The following NPAS3 variants were observed in gnomAD, a reference collection of about 807,000 sequenced individuals.
NPAS3 encodes neuronal PAS domain protein 3.
Under a neutral mutation model 73.1 loss-of-function variants are expected in NPAS3, and 14 were observed. That is an observed-to-expected ratio of 0.19 (90% CI 0.13 to 0.30). The LOEUF is 0.30. Among genes scored for constraint, NPAS3 ranks in the 10% least tolerant of loss-of-function variants. NPAS3 has a pLI of 1.00. For synonymous variants in NPAS3, 620 were observed against 541.5 expected, an observed-to-expected ratio of 1.14 and a Z score of -2.01; for missense variants, 1,096 against 1,250.0, an observed-to-expected ratio of 0.88 and a Z score of 1.86.
At chr14:33,492,557 A>G (rs1316917412) in intron 4 of NPAS3, among the ~76,000 whole-genome samples, 1 of 152,196 alleles carries the variant, frequency 6.6e-6, no homozygotes, top group East Asian at 1.9e-4. Context: ...AGAAGATTTC[A>G]TCAAAGGACT....
chr14:33,232,427 T>C (rs560037347), intron 3 of NPAS3, among the ~76,000 whole-genome samples: 1 of 152,212 alleles, frequency 6.6e-6, no homozygotes, highest in Non-Finnish European at 1.5e-5. Context: ...ACACTCAATC[T>C]GTTTTTCATA....
intron 2 of NPAS3, among the ~76,000 whole-genome samples, chr14:33,057,140 A>G (rs530817008): frequency 2.2e-4 from 33 of 152,248 alleles, no homozygotes; most frequent in African/African-American, 7.0e-4. Flanking sequence ...TACTGGATGG[A>G]GCTGGGACTG....
rs67518761 is a variant in NPAS3, at chr14:33,308,510, T to TTATATATATATATATATATA, written c.386-58658_386-58657insTATATATATATATATATATA. On this transcript the variant is annotated intron_variant, in intron 3 of 11. Coordinates refer to ENST00000356141, the Ensembl canonical transcript of NPAS3. ...TTTTCTAAAGGGACTATTGCATAGTTTATATATATATATATATACATACAC... is the reference window on the plus strand; with the variant it reads ...TTTTCTAAAGGGACTATTGCATAGTTTATATATATATATATATATATATATATATATATATATACATACAC... Among the ~76,000 whole-genome samples the TTATATATATATATATATATA allele has an allele frequency of 8.1e-4, 68 of 83,456 alleles. 1 individual carries two copies. Among genetic ancestry groups the TTATATATATATATATATATA allele is most frequent in the African/African-American group, 3.8e-3 (62 of 16,298 alleles). The allele number at this position is 83,456 out of a possible 152,430, so 54.8% of individuals were successfully genotyped here. A position where few individuals can be genotyped will look rare whatever the true frequency, so the allele number is the denominator to read the frequency against.
intron 4 of NPAS3, among the ~76,000 whole-genome samples, chr14:33,381,490 T>C (rs181264566): frequency 2.8e-4 from 43 of 152,310 alleles, no homozygotes; most frequent in Middle Eastern, 6.8e-3. Flanking sequence ...TGGTAACTAA[T>C]TGCTATCATT....
At chr14:33,188,775 G>A (rs2139490618) in intron 2 of NPAS3, among the ~76,000 whole-genome samples, 1 of 152,274 alleles carries the variant, frequency 6.6e-6, no homozygotes, top group East Asian at 1.9e-4. Context: ...TTCAGGAAGC[G>A]ATAAGATGAA....
chr14:32,935,862 G>A (rs1405777653), upstream of NPAS3, among the ~76,000 whole-genome samples: 1 of 152,154 alleles, frequency 6.6e-6, no homozygotes, highest in East Asian at 1.9e-4. Context: ...CCACGAAAAT[G>A]CGCTGAGAAA....
At chr14:33,411,078 T>C (rs909587218) in intron 4 of NPAS3, among the ~76,000 whole-genome samples, 3 of 152,218 alleles carry the variant, frequency 2.0e-5, no homozygotes, top group Non-Finnish European at 2.9e-5. Flanking sequence ...AACTGTAGCA[T>C]GCATCTTGGC....
Position 33,524,556 on chromosome 14 carries a change from G to T in NPAS3, c.469-35565G>T, listed in dbSNP as rs140605991. On this transcript the variant is annotated intron_variant, in intron 4 of 11. Transcript: ENST00000356141. ...AGTCTACATGATCTTAAAGCTTATG[G>T]TTGTATCTTTGCTAGATGATAACCT... is the stretch of plus-strand genomic sequence containing the variant. Among the ~76,000 whole-genome samples the T allele has an allele frequency of 8.1e-3, 1,228 of 152,280 alleles. 11 individuals carry two copies. Among genetic ancestry groups the T allele is most frequent in the African/African-American group, 0.028 (1,167 of 41,570 alleles).
chr14:33,606,987 AG>A (rs1352186012), intron 5 of NPAS3, among the ~76,000 whole-genome samples: 9 of 152,248 alleles, frequency 5.9e-5, no homozygotes, highest in Admixed American at 5.9e-4. Flanking sequence ...CAACATCATT[AG>A]TCATTAGGGA....
intron 4 of NPAS3, among the ~76,000 whole-genome samples, chr14:33,520,432 G>T (rs967886706): frequency 6.6e-6 from 1 of 151,966 alleles, no homozygotes; most frequent in Non-Finnish European, 1.5e-5. Context: ...TTAAATCTGA[G>T]ATGAAATAAG....
chr14:33,607,887 A>G (rs1829559217), intron 5 of NPAS3, among the ~76,000 whole-genome samples: 1 of 152,120 alleles, frequency 6.6e-6, no homozygotes, highest in Non-Finnish European at 1.5e-5. Context: ...AAAGCCCACC[A>G]AAGAAGGAAG....
At chr14:33,426,743 C>T (rs780799101) in intron 4 of NPAS3, among the ~76,000 whole-genome samples, 2 of 152,026 alleles carry the variant, frequency 1.3e-5, no homozygotes, top group African/African-American at 2.4e-5. Flanking sequence ...TTAGTAAGAA[C>T]CATTCTAAGG....
At chr14:33,348,476 G>C (rs2044857967) in intron 3 of NPAS3, among the ~76,000 whole-genome samples, 1 of 152,166 alleles carries the variant, frequency 6.6e-6, no homozygotes, top group Non-Finnish European at 1.5e-5. Context: ...GAGAGTGCTA[G>C]TCATGGAACC....
intron 2 of NPAS3, among the ~76,000 whole-genome samples, chr14:33,059,012 G>A (rs962161092): frequency 1.3e-5 from 2 of 152,212 alleles, no homozygotes; most frequent in African/African-American, 4.8e-5. Context: ...GGATGGGTTT[G>A]TGAGAGTCAA....
At chr14:32,934,859 T>G, upstream of NPAS3, 5 of 586,342 alleles carry the variant, frequency 8.5e-6, no homozygotes, top group Non-Finnish European at 8.6e-6. This position sits in a 1 kb window ranked among gnomAD's most constrained non-coding sequence, Gnocchi z 4.1. Flanking sequence ...ATCCGAATCT[T>G]TCCGGATTTC....
intron 5 of NPAS3, among the ~76,000 whole-genome samples, chr14:33,570,644 T>C (rs1187677320): frequency 6.6e-6 from 1 of 152,176 alleles, no homozygotes; most frequent in Non-Finnish European, 1.5e-5. Flanking sequence ...ATCATGCAAT[T>C]ACTGGGACTC....
At chr14:33,663,336 G>A (rs1230161090) in intron 5 of NPAS3, among the ~76,000 whole-genome samples, 3 of 152,118 alleles carry the variant, frequency 2.0e-5, no homozygotes, top group African/African-American at 7.2e-5. Context: ...TGAGGTTTTT[G>A]TCATTGGTTC....
intron 2 of NPAS3, among the ~76,000 whole-genome samples, chr14:33,198,233 C>T (rs1417549923): frequency 6.6e-6 from 1 of 152,172 alleles, no homozygotes; most frequent in Admixed American, 6.5e-5. Context: ...ACAAAGCTTC[C>T]ACAGCATGGA....
At chr14:33,607,160 T>C (rs1269242020) in intron 5 of NPAS3, among the ~76,000 whole-genome samples, 2 of 152,208 alleles carry the variant, frequency 1.3e-5, no homozygotes, top group African/African-American at 4.8e-5. Context: ...ACCTAGCTGT[T>C]CCACTCCTAG....
Sources: allele counts gnomAD v4.1 joint callset (sites outside exome capture counted in the v4.1 genomes callset), GRCh38; gene constraint gnomAD v4.1.1; non-coding constraint Gnocchi (gnomAD v3.1); transcripts MANE v1.5; gene names NCBI Gene and HGNC (gene_info 2026-07-23, HGNC 2026-07-21).